Variants in NINJ2 observed in about 807,000 individuals in gnomAD.
The protein encoded by NINJ2 is ninjurin-2.
A neutral mutation model predicts 11.7 loss-of-function variants in NINJ2; 12 were observed. That is an observed-to-expected ratio of 1.02 (90% CI 0.66 to 1.66). The LOEUF is 1.66. Among genes scored for constraint, NINJ2 ranks in the 40% most tolerant of loss-of-function variants. NINJ2 has a pLI of 0.00. For missense variants in NINJ2, 187 were observed against 181.8 expected, an observed-to-expected ratio of 1.03 and a Z score of -0.16; for synonymous variants, 93 against 76.8, an observed-to-expected ratio of 1.21 and a Z score of -1.10.
chr12:590,685 C>A, intron 1 of NINJ2: 1 of 152,130 alleles, frequency 6.6e-6, no homozygotes, highest in Non-Finnish European at 1.5e-5. Flanking sequence ...TGATCAGAAC[C>A]CAGGACACTA....
At chr12:618,944 G>A (rs1177392965) in intron 1 of NINJ2, among the ~76,000 whole-genome samples, 1 of 152,178 alleles carries the variant, frequency 6.6e-6, no homozygotes. Context: ...AGAAAAACTG[G>A]TCTCGTGTAT....
chr12:624,813 A>AC (rs1948193422), intron 1 of NINJ2, among the ~76,000 whole-genome samples: 1 of 150,160 alleles, frequency 6.7e-6, no homozygotes, highest in Admixed American at 6.6e-5. Context: ...CATCTCAAAA[A>AC]AAAAAAAAAA....
At chr12:662,016 T>C (rs1215578981) in intron 1 of NINJ2, among the ~76,000 whole-genome samples, 2 of 152,182 alleles carry the variant, frequency 1.3e-5, no homozygotes, top group African/African-American at 4.8e-5. Context: ...AGTGTAACTT[T>C]AGGTGGTGAG....
intron 1 of NINJ2, among the ~76,000 whole-genome samples, chr12:649,426 G>T (rs1441322809): frequency 6.6e-6 from 1 of 151,440 alleles, no homozygotes; most frequent in Non-Finnish European, 1.5e-5. Flanking sequence ...TTAAAAAGTG[G>T]AACAGCCACT....
chr12:631,720 A>G (rs1308330926), intron 1 of NINJ2, among the ~76,000 whole-genome samples: 1 of 152,170 alleles, frequency 6.6e-6, no homozygotes, highest in Non-Finnish European at 1.5e-5. Flanking sequence ...TCCCTGTGTT[A>G]TGTGTGTACT....
At chr12:658,708 ATGCT>A (rs1484389568) in intron 1 of NINJ2, among the ~76,000 whole-genome samples, 43 of 83,950 alleles carry the variant, frequency 5.1e-4, no homozygotes, top group South Asian at 7.8e-4. Context: ...ATGCTATGCT[ATGCT>A]ATGCTATGCT....
rs879637133 is a variant in NINJ2 at position 640,200 on chromosome 12, C to T, written c.33+23128G>A. 3.3e-5 allele frequency among the ~76,000 whole-genome samples: 5 copies of T among 152,194 alleles called. No individual in the cohort carries two copies. The highest frequency in any genetic ancestry group is 7.3e-5 in the Non-Finnish European group (5 of 68,040). On this transcript the variant is annotated intron_variant, in intron 1 of 3. Transcript: ENST00000305108. The surrounding 1 kb of genome is among the most constrained non-coding windows in gnomAD (Gnocchi z 4.0). The stretch of plus-strand genomic sequence containing the variant: ...AGCTGAGCAGTCAGTCACATGATTA[C>T]CAAGGTATTGAGATGGAAGAACTGG...
chr12:609,812 T>C (rs1460204799), intron 1 of NINJ2, among the ~76,000 whole-genome samples: 1 of 134,052 alleles, frequency 7.5e-6, no homozygotes, highest in Non-Finnish European at 1.6e-5. Flanking sequence ...ACAGCAGCAA[T>C]AGGGGACTTG....
intron 1 of NINJ2, among the ~76,000 whole-genome samples, chr12:641,637 G>A (rs992352144): frequency 2.0e-5 from 3 of 152,110 alleles, no homozygotes; most frequent in Non-Finnish European, 4.4e-5. Flanking sequence ...AAGGTCAGGA[G>A]ATGGAGACCA....
rs547125128 is a variant in NINJ2, at chr12:589,344, T to C, written c.34-23166A>G. 2.0e-5 allele frequency among the ~76,000 whole-genome samples: 3 copies of C among 152,360 alleles called. No homozygotes were observed. In the East Asian group the frequency reaches 5.8e-4, roughly 29 times the overall value. ...ATGTATTTAGTGGGGAGCAAGTCAG[T>C]AAGAACATGATATGATTCTATATTG... On this transcript the variant is annotated intron_variant, in intron 1 of 3. Coordinates refer to ENST00000305108, the MANE Select transcript of NINJ2 (RefSeq NM_016533.6).
At chr12:648,592 G>C (rs1937732615) in intron 1 of NINJ2, among the ~76,000 whole-genome samples, 1 of 152,204 alleles carries the variant, frequency 6.6e-6, no homozygotes, top group African/African-American at 2.4e-5. Context: ...TGGGCTCTCA[G>C]ATAGAGGTCC....
chr12:641,433 A>G (rs576342758), intron 1 of NINJ2, among the ~76,000 whole-genome samples: 2 of 152,280 alleles, frequency 1.3e-5, no homozygotes, highest in South Asian at 4.1e-4. Context: ...CCAGGGTGAA[A>G]GGCGTGGGGA....
At chr12:635,873 G>A (rs980594120) in intron 1 of NINJ2, among the ~76,000 whole-genome samples, 3 of 152,140 alleles carry the variant, frequency 2.0e-5, no homozygotes, top group African/African-American at 4.8e-5. Context: ...TCAGGAGTTC[G>A]AGACCAGCCT....
Position 663,371 on chromosome 12 carries a change from T to A in NINJ2, c.-11A>T. The A allele has an allele frequency of 6.2e-7, 1 of 1,614,184 alleles. No homozygotes were observed. Among genetic ancestry groups the A allele is most frequent in the Non-Finnish European group, 8.5e-7 (1 of 1,180,022 alleles). ...TCTTGCTGATTCCATCTCGCTGCCC[T>A]CAAGTCCCTTCACACGCACCGGGTG... On this transcript the variant is annotated 5_prime_UTR_variant, in exon 1 of 4. Coordinates refer to ENST00000305108, the MANE Select transcript of NINJ2 (RefSeq NM_016533.6).
At chr12:609,055 G>A (rs747239545) in intron 1 of NINJ2, among the ~76,000 whole-genome samples, 14 of 149,520 alleles carry the variant, frequency 9.4e-5, no homozygotes, top group Non-Finnish European at 1.9e-4. Flanking sequence ...CACGCGCTAG[G>A]GGCTGAACGC....
chr12:610,853 C>T (rs1372251012), intron 1 of NINJ2, among the ~76,000 whole-genome samples: 1 of 151,320 alleles, frequency 6.6e-6, no homozygotes, highest in Admixed American at 6.6e-5. Context: ...CCTGCCTCAG[C>T]CTCCCAAGTA....
intron 1 of NINJ2, among the ~76,000 whole-genome samples, chr12:629,424 GAGTAC>G (rs1948244234): frequency 6.6e-6 from 1 of 152,108 alleles, no homozygotes; most frequent in Non-Finnish European, 1.5e-5. Context: ...ATGGCGGGGA[GAGTAC>G]AGTACAACCC....
intron 1 of NINJ2, among the ~76,000 whole-genome samples, chr12:659,785 T>C (rs748163571): frequency 6.6e-6 from 1 of 152,228 alleles, no homozygotes; most frequent in African/African-American, 2.4e-5. Flanking sequence ...AGTTGTGCCA[T>C]GTTCAGGGTT....
chr12:643,752 A>G (rs758741685), intron 1 of NINJ2: 11 of 822,444 alleles, frequency 1.3e-5, no homozygotes, highest in Non-Finnish European at 1.6e-5. Context: ...CCCCCCTCAC[A>G]TCATGGGAGC....
Sources: gnomAD v4.1 joint callset for allele counts (sites outside exome capture counted in the v4.1 genomes callset) on GRCh38, gnomAD v4.1.1 for gene constraint, Gnocchi (gnomAD v3.1) non-coding constraint, MANE v1.5 for transcripts, NCBI Gene and HGNC (gene_info 2026-07-23, HGNC 2026-07-21) for gene names.